Variants in EPB41L5 observed in about 807,000 individuals in gnomAD.
EPB41L5 encodes band 4.1-like protein 5.
EPB41L5 carries 55 observed loss-of-function variants against 106.6 expected under a neutral mutation model. The ratio of observed to expected loss-of-function variants is 0.52; its 90% CI spans 0.42 to 0.65. The LOEUF (loss-of-function observed/expected upper bound fraction) is 0.65, where lower values mean the gene tolerates loss of function less well. Among genes scored for constraint, EPB41L5 ranks in the 30% least tolerant of loss-of-function variants. The pLI, the probability that EPB41L5 is intolerant of heterozygous loss-of-function variation, is 0.00. For synonymous variants in EPB41L5, 297 were observed against 306.7 expected (o/e 0.97, Z 0.33); for missense variants, 871 against 882.1 (o/e 0.99, Z 0.16).
At chr2:120,099,835 A>G (rs950503673) in intron 14 of EPB41L5, among the ~76,000 whole-genome samples, 1 of 152,212 alleles carries the variant, frequency 6.6e-6, no homozygotes, top group African/African-American at 2.4e-5. Flanking sequence ...GAGTTATAAA[A>G]CGCTGAGTTG....
At position 120,103,988 on chromosome 2, in the gene EPB41L5, G is replaced by T. The variant is rs972487341; in HGVS notation, c.1337+3174G>T. The T allele has an allele frequency of 5.6e-6, 8 of 1,434,354 alleles. No individual in the cohort carries two copies. The African/African-American group carries it at 8.6e-5, about 15-fold the overall frequency. 88.9% of individuals were successfully genotyped at this position (1,434,354 alleles called of 1,614,324 possible). A position where few individuals can be genotyped will look rare whatever the true frequency, so the allele number is the denominator to read the frequency against. ...AGTCACATTACCTTTCCCCTTTATT[G>T]TCTCTTACACATCCATTTTCTCCTA... On this transcript the variant is annotated intron_variant, in intron 16 of 24. Transcript: ENST00000263713.
At chr2:120,073,521 C>G (rs907675357) in intron 4 of EPB41L5, among the ~76,000 whole-genome samples, 1 of 152,150 alleles carries the variant, frequency 6.6e-6, no homozygotes, top group East Asian at 1.9e-4. Context: ...TGGAATTTTC[C>G]TGTTTGGCAT....
In EPB41L5 at chr2:120,097,492, T is replaced by C. The variant is rs573164970; in HGVS notation, c.1179-2752T>C. 2.6e-4 allele frequency among the ~76,000 whole-genome samples: 39 copies of C among 152,364 alleles called. 1 individual carries two copies. The South Asian group carries it at 8.1e-3, about 32-fold the overall frequency. ...AATAACAGATTTTTTAATTGGCTAA[T>C]GTCAGTCATTTTTCTTGTACTGTTT... On this transcript the variant is annotated intron_variant, in intron 14 of 24. Transcript: ENST00000263713.
chr2:120,167,508 G>T lies in EPB41L5; in HGVS notation c.2004+1G>T. 6.2e-7 allele frequency: 1 copy of T among 1,613,698 alleles called. No individual in the cohort carries two copies. Among genetic ancestry groups the T allele is most frequent in the Non-Finnish European group, 8.5e-7 (1 of 1,179,608 alleles). On this transcript the variant is annotated splice_donor_variant, in intron 23 of 24. Transcript: ENST00000263713. LOFTEE classifies it high-confidence loss of function. Reference sequence around the variant, plus strand: ...GATCACACCCCGGTGGATTGTTCCGGTAAGTTCATGTTATTTGTGATTTTT... The same window carrying T: ...GATCACACCCCGGTGGATTGTTCCGTTAAGTTCATGTTATTTGTGATTTTT...
In EPB41L5 at chr2:120,073,202, A is replaced by T; in HGVS notation, c.310A>T (p.Ile104Phe). 6.2e-7 allele frequency: 1 copy of T among 1,609,846 alleles called. No individual in the cohort carries two copies. The change falls in exon 4 of 25, where the codon ATC becomes TTC. Residue 104 changes from isoleucine to phenylalanine, a missense_variant. Coordinates refer to ENST00000263713, the MANE Select transcript of EPB41L5 (RefSeq NM_020909.4). ...GCATTGGTTGGATGGTACAAAAAGC[A>T]TCAAAAAGCAAGTAAAAAGTAAGTG... ...VAHWLDGTKSIKKQVKIGSPY... is the reference protein window; with the variant it reads ...VAHWLDGTKSFKKQVKIGSPY...
At position 120,048,724 on chromosome 2, in the gene EPB41L5, G is replaced by C. The variant is rs190139592; in HGVS notation, c.285+6614G>C. On this transcript the variant is annotated intron_variant, in intron 3 of 24. Transcript: ENST00000263713. ...TAATGTGTTTGCTCTTGCTTCTCTA[G>C]TTCTTTTAATTGTGATGTTAGGGTG... Among the ~76,000 whole-genome samples, 117 of 152,138 alleles carry C rather than the reference G, an allele frequency of 7.7e-4. 1 individual carries two copies. Among genetic ancestry groups the C allele is most frequent in the Middle Eastern group, 6.8e-3 (2 of 294 alleles).
At chr2:120,142,636 C>A (rs3109221) in intron 18 of EPB41L5, among the ~76,000 whole-genome samples, 1 of 152,168 alleles carries the variant, frequency 6.6e-6, no homozygotes, top group African/African-American at 2.4e-5. Flanking sequence ...TTTAGTCTTG[C>A]AGAACCTCGT....
In EPB41L5 at chr2:120,035,157, T is replaced by C. The variant is rs1678964993; in HGVS notation, c.181-6849T>C. On this transcript the variant is annotated intron_variant, in intron 2 of 24. Transcript: ENST00000263713. Reference sequence around the variant, plus strand: ...AATCTCCCTTATTAAATGGGCCCCATGTAAACACCATTTCCCATAGTTACC... The same window carrying C: ...AATCTCCCTTATTAAATGGGCCCCACGTAAACACCATTTCCCATAGTTACC... 3.9e-5 allele frequency among the ~76,000 whole-genome samples: 6 copies of C among 152,344 alleles called. No individual in the cohort carries two copies. In the South Asian group the frequency reaches 1.2e-3, roughly 32 times the overall value.
At chr2:120,027,769 A>G (rs1429323976) in intron 2 of EPB41L5, among the ~76,000 whole-genome samples, 1 of 152,176 alleles carries the variant, frequency 6.6e-6, no homozygotes, top group African/African-American at 2.4e-5. Context: ...GGTTGCATAT[A>G]TCTGTGAATA....
intron 22 of EPB41L5, among the ~76,000 whole-genome samples, chr2:120,166,220 G>GA (rs1218843802): frequency 6.6e-6 from 1 of 152,004 alleles, no homozygotes; most frequent in African/African-American, 2.4e-5. Context: ...GGTGGGGTCT[G>GA]AAAAGTTGTG....
chr2:120,170,096 A>G (rs1194138218), intron 24 of EPB41L5, among the ~76,000 whole-genome samples: 1 of 152,264 alleles, frequency 6.6e-6, no homozygotes. Context: ...ACCTATATTC[A>G]TAATAGTCCA....
At chr2:120,093,389 C>T (rs545811591) in intron 14 of EPB41L5, 113 bp downstream of exon 14, 1 of 848,954 alleles carries the variant, frequency 1.2e-6, no homozygotes, top group East Asian at 2.4e-5. Context: ...CGTAAAGCAC[C>T]AGGGATATGT....
chr2:120,042,437 A>G (rs1679461741), intron 3 of EPB41L5, among the ~76,000 whole-genome samples: 1 of 152,232 alleles, frequency 6.6e-6, no homozygotes, highest in Admixed American at 6.5e-5. Context: ...AAAGAATGCT[A>G]GAATGGGAGT....
At chr2:120,151,598 C>G (rs1459766031) in intron 20 of EPB41L5, among the ~76,000 whole-genome samples, 1 of 150,098 alleles carries the variant, frequency 6.7e-6, no homozygotes, top group East Asian at 2.0e-4. Flanking sequence ...GCAGGAGCCA[C>G]TGCGTCTGGC....
chr2:120,078,451 T>G (rs1426995545), intron 9 of EPB41L5, 42 bp from the exon 10 acceptor site: 2 of 1,365,756 alleles, frequency 1.5e-6, no homozygotes, highest in South Asian at 2.6e-5. Flanking sequence ...GAAACCTGTT[T>G]TGTACAAATA....
At chr2:120,075,677 A>G in intron 6 of EPB41L5, 24 bp from the exon 7 acceptor site, 1 of 1,605,370 alleles carries the variant, frequency 6.2e-7, no homozygotes, top group South Asian at 1.1e-5. Context: ...CAACTTGTCT[A>G]ACAAACTTGT....
intron 2 of EPB41L5, among the ~76,000 whole-genome samples, chr2:120,024,980 C>G (rs1678210986): frequency 6.6e-6 from 1 of 152,122 alleles, no homozygotes; most frequent in Non-Finnish European, 1.5e-5. Context: ...TTTGTTTTAT[C>G]TCTGCCAAGT....
At chr2:120,035,344 C>T (rs1363257719) in intron 2 of EPB41L5, among the ~76,000 whole-genome samples, 1 of 152,196 alleles carries the variant, frequency 6.6e-6, no homozygotes, top group African/African-American at 2.4e-5. Context: ...AGTGATCCTC[C>T]TGCCTTGGCT....
chr2:120,085,159 C>G (rs1447173350), intron 10 of EPB41L5, among the ~76,000 whole-genome samples: 2 of 152,170 alleles, frequency 1.3e-5, no homozygotes, highest in Admixed American at 6.5e-5. Flanking sequence ...TGTTCCATTG[C>G]TGGCGAGGAG....
Sources: gnomAD v4.1 joint callset for allele counts (sites outside exome capture counted in the v4.1 genomes callset) on GRCh38, gnomAD v4.1.1 for gene constraint, MANE v1.5 for transcripts, NCBI Gene and HGNC (gene_info 2026-07-23, HGNC 2026-07-21) for gene names.